TSPAN9: variants seen among roughly 807,000 people sequenced by gnomAD.
TSPAN9 encodes tetraspanin-9.
In TSPAN9, 16 loss-of-function variants were observed where a neutral mutation model predicts 31.0. The ratio of observed to expected loss-of-function variants is 0.52; its 90% CI spans 0.35 to 0.78. The LOEUF is 0.78. Among genes scored for constraint, TSPAN9 ranks in the 30% least tolerant of loss-of-function variants. The probability of loss-of-function intolerance (pLI) is 0.01; values close to 1 mark genes in which losing one functional copy is unlikely to be tolerated. For synonymous variants in TSPAN9, 145 were observed against 121.6 expected (o/e 1.19, Z -1.27); for missense variants, 272 against 312.5 (o/e 0.87, Z 0.98).
At chr12:3,250,455 C>T (rs1175875735) in intron 3 of TSPAN9, among the ~76,000 whole-genome samples, 1 of 152,216 alleles carries the variant, frequency 6.6e-6, no homozygotes, top group African/African-American at 2.4e-5. Flanking sequence ...CATCATGTCT[C>T]ACTTTTTCAC....
chr12:3,246,835 A>AG (rs1205482373), intron 3 of TSPAN9, among the ~76,000 whole-genome samples: 1 of 152,082 alleles, frequency 6.6e-6, no homozygotes, highest in Non-Finnish European at 1.5e-5. Flanking sequence ...CCCTAGGACC[A>AG]GGGGGGAAGA....
At chr12:3,115,753 A>G (rs2098321988) in intron 2 of TSPAN9, among the ~76,000 whole-genome samples, 2 of 152,182 alleles carry the variant, frequency 1.3e-5, no homozygotes, top group Non-Finnish European at 2.9e-5. Context: ...TGCTAATACC[A>G]TCACCTTGGG....
intron 3 of TSPAN9, among the ~76,000 whole-genome samples, chr12:3,203,869 G>A (rs2098373420): frequency 6.6e-6 from 1 of 152,204 alleles, no homozygotes; most frequent in Non-Finnish European, 1.5e-5. Flanking sequence ...GGGGGCTGTG[G>A]GTCACTGTGC....
intron 3 of TSPAN9, among the ~76,000 whole-genome samples, chr12:3,202,986 C>T (rs1488843891): frequency 6.6e-6 from 1 of 152,336 alleles, no homozygotes; most frequent in East Asian, 1.9e-4. Flanking sequence ...CCTTTGGATT[C>T]ACACGAATGC....
chr12:3,235,124 AGTGAGCAGAGCTTGCG>A (rs1412140214), intron 3 of TSPAN9, among the ~76,000 whole-genome samples: 5 of 73,692 alleles, frequency 6.8e-5, no homozygotes, highest in Admixed American at 3.4e-4. Context: ...CGGAGCTTGC[AGTGAGCAGAGCTTGCG>A]CCACTGCACT....
chr12:3,223,284 C>T (rs938120820), intron 3 of TSPAN9, among the ~76,000 whole-genome samples: 2 of 152,158 alleles, frequency 1.3e-5, no homozygotes, highest in Non-Finnish European at 2.9e-5. Flanking sequence ...ATTCTGTGCC[C>T]CTTACCCGGC....
chr12:3,252,404 G>T (rs1862260169), intron 3 of TSPAN9, among the ~76,000 whole-genome samples: 2 of 152,246 alleles, frequency 1.3e-5, no homozygotes, highest in Admixed American at 1.3e-4. Context: ...TCCGTGGCAG[G>T]TGTGTGCACA....
chr12:3,176,667 A>T (rs1348215854), intron 2 of TSPAN9, among the ~76,000 whole-genome samples: 2 of 152,244 alleles, frequency 1.3e-5, no homozygotes, highest in Non-Finnish European at 2.9e-5. Flanking sequence ...TTGGTGGCTC[A>T]GACTCTATTC....
rs1485031683 is a variant in TSPAN9, at chr12:3,143,814, G to A, written c.-17-57363G>A. Among the ~76,000 whole-genome samples, 4 of 152,236 alleles carry A rather than the reference G, an allele frequency of 2.6e-5. No homozygotes were observed. Among genetic ancestry groups the A allele is most frequent in the East Asian group, 1.9e-4 (1 of 5,182 alleles). On this transcript the variant is annotated intron_variant, in intron 2 of 8. Transcript: ENST00000011898. This position sits in a 1 kb window ranked among gnomAD's most constrained non-coding sequence, Gnocchi z 4.2. ...CTTACTTTCTGGCACAAGATGCTCC[G>A]GGTCGTGTTATGTTTCTCCTGCCCC...
At chr12:3,149,983 A>G (rs11062532) in intron 2 of TSPAN9, 10,279 of 152,406 alleles carry the variant, frequency 0.067, 406 homozygotes, top group East Asian at 0.14. Flanking sequence ...TCCAGCCAGC[A>G]GACATGTAGT....
intron 3 of TSPAN9, among the ~76,000 whole-genome samples, chr12:3,258,739 G>T (rs889146726): frequency 6.6e-6 from 1 of 152,168 alleles, no homozygotes; most frequent in African/African-American, 2.4e-5. Flanking sequence ...CTTCTCCCAA[G>T]CCATGAGAAT....
At chr12:3,105,806 GCA>G (rs1233498644) in intron 2 of TSPAN9, among the ~76,000 whole-genome samples, 3 of 108,660 alleles carry the variant, frequency 2.8e-5, no homozygotes, top group East Asian at 2.6e-4. Flanking sequence ...GCACACATGC[GCA>G]CACACGCACA....
chr12:3,197,740 G>C (rs1379750340), intron 2 of TSPAN9, among the ~76,000 whole-genome samples: 7 of 100,746 alleles, frequency 6.9e-5, no homozygotes, highest in East Asian at 3.2e-4. Flanking sequence ...ACCAGCACAG[G>C]CCACCACCAG....
intron 2 of TSPAN9, among the ~76,000 whole-genome samples, chr12:3,197,660 A>AGTCACCACCAGCACAG (rs1452171191): frequency 1.4e-4 from 21 of 150,780 alleles, no homozygotes; most frequent in South Asian, 4.2e-4. Context: ...CACCAGCACA[A>AGTCACCACCAGCACAG]GTCACCACCA....
chr12:3,184,071 G>T (rs971727149), intron 2 of TSPAN9, among the ~76,000 whole-genome samples: 1 of 152,088 alleles, frequency 6.6e-6, no homozygotes, highest in Non-Finnish European at 1.5e-5. Context: ...GATCTCTGAC[G>T]GCCCATAGCT....
At chr12:3,202,697 C>T (rs980481879) in intron 3 of TSPAN9, among the ~76,000 whole-genome samples, 3 of 152,148 alleles carry the variant, frequency 2.0e-5, no homozygotes, top group Non-Finnish European at 2.9e-5. Flanking sequence ...CCCCTCCCTG[C>T]CTGGGGTGTG....
rs1862874366 is a variant in TSPAN9 at position 3,280,517 on chromosome 12, G to A, written c.432+34G>A. 2 of 1,590,360 alleles carry A rather than the reference G, an allele frequency of 1.3e-6. No individual in the cohort carries two copies. The highest frequency in any genetic ancestry group is 1.3e-5 in the African/African-American group (1 of 74,466). ...TGGGCCGCCCTGGTGGGGCCAGGCA[G>A]GGAGGAGGGGTGGCGGCCGGTACTT... On this transcript the variant is annotated intron_variant, in intron 6 of 8. Coordinates refer to ENST00000011898, the MANE Select transcript of TSPAN9 (RefSeq NM_006675.5). The surrounding 1 kb of genome is among the most constrained non-coding windows in gnomAD (Gnocchi z 4.5).
In TSPAN9 at chr12:3,285,658, CCTGA is replaced by C. The variant is rs1565648140; in HGVS notation, c.*2546_*2549del. On this transcript the variant is annotated 3_prime_UTR_variant, in exon 9 of 9. Transcript: ENST00000011898. ...GTGGCACAGCCTCTCTTCAGTTTCTCCTGACTGTGATCTCACTGGGGTAGAATTC... is the reference window on the plus strand; with the variant it reads ...GTGGCACAGCCTCTCTTCAGTTTCTCCTGTGATCTCACTGGGGTAGAATTC... The C allele has an allele frequency of 2.0e-5, 3 of 152,268 alleles. No individual in the cohort carries two copies. Among genetic ancestry groups the C allele is most frequent in the East Asian group, 3.9e-4 (2 of 5,182 alleles). 9.4% of individuals were successfully genotyped at this position (152,268 alleles called of 1,614,324 possible).
intron 3 of TSPAN9, among the ~76,000 whole-genome samples, chr12:3,220,145 C>CAAAGAAAAAAAAAAAAAAAAAA (rs2098383625): frequency 7.3e-6 from 1 of 137,348 alleles, no homozygotes; most frequent in Non-Finnish European, 1.6e-5. Context: ...AACTCTGTCT[C>CAAAGAAAAAAAAAAAAAAAAAA]AAAAAAAAAA....
Sources: gnomAD v4.1 joint callset for allele counts (sites outside exome capture counted in the v4.1 genomes callset) on GRCh38, gnomAD v4.1.1 for gene constraint, Gnocchi (gnomAD v3.1) non-coding constraint, MANE v1.5 for transcripts, NCBI Gene and HGNC (gene_info 2026-07-23, HGNC 2026-07-21) for gene names.